The following PDZRN4 variants were observed in gnomAD, a reference collection of about 807,000 sequenced individuals.
PDZRN4 encodes PDZ domain-containing RING finger protein 4.
A neutral mutation model predicts 99.0 loss-of-function variants in PDZRN4; 70 were observed. That is an observed-to-expected ratio of 0.71 (90% CI 0.58 to 0.86). The LOEUF is 0.86. Ranked by LOEUF, PDZRN4 falls within the 40% of genes least tolerant of loss-of-function variation. PDZRN4 has a pLI of 0.00. For missense variants in PDZRN4, 1,474 were observed against 1,331.2 expected, an observed-to-expected ratio of 1.11 and a Z score of -1.67; for synonymous variants, 551 against 501.6, an observed-to-expected ratio of 1.10 and a Z score of -1.32.
intron 3 of PDZRN4, among the ~76,000 whole-genome samples, chr12:41,373,893 A>T (rs1302548096): frequency 6.6e-6 from 1 of 152,292 alleles, no homozygotes; most frequent in African/African-American, 2.4e-5. Flanking sequence ...GAACTAATAA[A>T]TGTCCATGAA....
intron 3 of PDZRN4, among the ~76,000 whole-genome samples, chr12:41,423,995 A>G (rs990161563): frequency 4.6e-5 from 7 of 152,164 alleles, no homozygotes; most frequent in Non-Finnish European, 1.0e-4. Context: ...TTGTATTCCA[A>G]AGCTCATATG....
intron 3 of PDZRN4, among the ~76,000 whole-genome samples, chr12:41,278,465 G>A (rs988404393): frequency 1.3e-5 from 2 of 152,174 alleles, no homozygotes; most frequent in African/African-American, 4.8e-5. Flanking sequence ...ATTACTTTGT[G>A]TAACGATTAC....
chr12:41,327,039 T>A (rs1951713775), intron 3 of PDZRN4, among the ~76,000 whole-genome samples: 1 of 152,212 alleles, frequency 6.6e-6, no homozygotes, highest in Non-Finnish European at 1.5e-5. Flanking sequence ...TGACAATCTC[T>A]ATTTCTCTTG....
At chr12:41,264,435 A>G (rs1220779606) in intron 3 of PDZRN4, among the ~76,000 whole-genome samples, 1 of 152,120 alleles carries the variant, frequency 6.6e-6, no homozygotes, top group Non-Finnish European at 1.5e-5. Context: ...TTTATCATGT[A>G]GTGGTTTGTA....
chr12:41,466,031 C>T (rs182840031), intron 3 of PDZRN4, among the ~76,000 whole-genome samples: 7 of 152,236 alleles, frequency 4.6e-5, no homozygotes, highest in Admixed American at 4.6e-4. Flanking sequence ...GCTTTAATTA[C>T]AGAACATTTT....
At chr12:41,522,297 G>A (rs111460427) in intron 5 of PDZRN4, among the ~76,000 whole-genome samples, 5,365 of 152,128 alleles carry the variant, frequency 0.035, 134 homozygotes, top group Non-Finnish European at 0.052. Flanking sequence ...AAGTGAAAGG[G>A]ACTCCAAACT....
chr12:41,394,321 C>T (rs1271789183), intron 3 of PDZRN4, among the ~76,000 whole-genome samples: 2 of 152,088 alleles, frequency 1.3e-5, no homozygotes, highest in African/African-American at 4.8e-5. Flanking sequence ...TATATTCGGT[C>T]TATTGCAGGA....
intron 3 of PDZRN4, among the ~76,000 whole-genome samples, chr12:41,274,896 C>A (rs1225805378): frequency 6.6e-6 from 1 of 152,090 alleles, no homozygotes; most frequent in Admixed American, 6.6e-5. Context: ...TGAAATCAGT[C>A]AAATATTTGC....
At chr12:41,565,018 A>C (rs1939339394) in intron 8 of PDZRN4, among the ~76,000 whole-genome samples, 1 of 152,176 alleles carries the variant, frequency 6.6e-6, no homozygotes, top group South Asian at 2.1e-4. Flanking sequence ...TCCTTAAACT[A>C]TGCCACATAG....
intron 3 of PDZRN4, among the ~76,000 whole-genome samples, chr12:41,245,741 G>A (rs566347422): frequency 1.3e-5 from 2 of 152,144 alleles, no homozygotes; most frequent in African/African-American, 4.8e-5. Context: ...CCTATGCTGA[G>A]GAGGAGTCTT....
intron 3 of PDZRN4, among the ~76,000 whole-genome samples, chr12:41,265,531 T>C (rs1212460088): frequency 2.6e-5 from 4 of 152,180 alleles, no homozygotes; most frequent in African/African-American, 7.2e-5. Flanking sequence ...ATATATTGCA[T>C]CAAAAAAATT....
intron 3 of PDZRN4, among the ~76,000 whole-genome samples, chr12:41,320,140 G>C (rs187300365): frequency 6.6e-6 from 1 of 152,190 alleles, no homozygotes; most frequent in Non-Finnish European, 1.5e-5. Flanking sequence ...CTGAGGTAGC[G>C]AGAACATCGT....
intron 5 of PDZRN4, among the ~76,000 whole-genome samples, chr12:41,537,064 A>G (rs1465954378): frequency 6.6e-6 from 1 of 152,192 alleles, no homozygotes. Flanking sequence ...AGGCCCTTAT[A>G]CTAGTCTTCT....
intron 3 of PDZRN4, among the ~76,000 whole-genome samples, chr12:41,464,136 T>G: frequency 6.6e-6 from 1 of 152,144 alleles, no homozygotes; most frequent in East Asian, 1.9e-4. Context: ...ACACCAGCCA[T>G]GTTCAACCAG....
At chr12:41,486,769 A>G (rs1490839086) in intron 3 of PDZRN4, among the ~76,000 whole-genome samples, 2 of 152,144 alleles carry the variant, frequency 1.3e-5, no homozygotes, top group African/African-American at 2.4e-5. Context: ...CCCTGTCCAC[A>G]TAGTGGCCTA....
At chr12:41,375,249 G>A (rs1369076280) in intron 3 of PDZRN4, among the ~76,000 whole-genome samples, 1 of 152,172 alleles carries the variant, frequency 6.6e-6, no homozygotes, top group African/African-American at 2.4e-5. Flanking sequence ...ATACAAGATA[G>A]TGTGAATTGT....
chr12:41,481,095 A>G (rs1458833922), intron 3 of PDZRN4, among the ~76,000 whole-genome samples: 3 of 152,114 alleles, frequency 2.0e-5, no homozygotes, highest in East Asian at 3.9e-4. Context: ...TGAACCCCAA[A>G]CTATATCTAT....
At chr12:41,342,414 T>C (rs1442248380) in intron 3 of PDZRN4, among the ~76,000 whole-genome samples, 2 of 151,700 alleles carry the variant, frequency 1.3e-5, no homozygotes. Context: ...ACCTACAGAA[T>C]GGAAGAAAAT....
At chr12:41,538,259 A>G (rs886795214) in intron 5 of PDZRN4, among the ~76,000 whole-genome samples, 1 of 152,188 alleles carries the variant, frequency 6.6e-6, no homozygotes, top group Non-Finnish European at 1.5e-5. Context: ...ATTTCCATCT[A>G]GAAATTTTTC....
Sources: gnomAD v4.1 joint callset for allele counts (sites outside exome capture counted in the v4.1 genomes callset) on GRCh38, gnomAD v4.1.1 for gene constraint, MANE v1.5 for transcripts, NCBI Gene and HGNC (gene_info 2026-07-23, HGNC 2026-07-21) for gene names.